The following PDE11A variants were observed in gnomAD, a reference collection of about 807,000 sequenced individuals.
The protein encoded by PDE11A is dual 3',5'-cyclic-AMP and -GMP phosphodiesterase 11A.
In PDE11A, 100 loss-of-function variants were observed where a neutral mutation model predicts 100.5. The ratio of observed to expected loss-of-function variants is 1.00; its 90% CI spans 0.85 to 1.18. The LOEUF (loss-of-function observed/expected upper bound fraction) is 1.18. PDE11A is among the 50% of genes most tolerant of loss of function. The pLI, the probability that PDE11A is intolerant of heterozygous loss-of-function variation, is 0.00. For missense variants in PDE11A, 1,141 were observed against 1,152.6 expected (o/e 0.99, Z 0.15); for synonymous variants, 381 against 420.8 (o/e 0.91, Z 1.16).
intron 15 of PDE11A, chr2:177,686,910 T>G (rs1038012687): frequency 1.3e-5 from 2 of 151,902 alleles, no homozygotes; most frequent in Non-Finnish European, 2.9e-5. Context: ...AGAGATGGTG[T>G]TTTGCTATGT....
intron 2 of PDE11A, chr2:177,998,405 C>G: frequency 2.3e-6 from 2 of 884,010 alleles, no homozygotes; most frequent in Non-Finnish European, 3.9e-6. Flanking sequence ...TAAATATACT[C>G]AACAGGGCAT....
intron 1 of PDE11A, among the ~76,000 whole-genome samples, chr2:178,050,578 C>T (rs955892746): frequency 5.3e-5 from 8 of 152,000 alleles, no homozygotes; most frequent in East Asian, 1.9e-4. Flanking sequence ...GGAGGGTGTT[C>T]GAACCCCTGC....
intron 12 of PDE11A, among the ~76,000 whole-genome samples, chr2:177,714,651 C>CT (rs1474057451): frequency 6.6e-6 from 1 of 152,234 alleles, no homozygotes; most frequent in African/African-American, 2.4e-5. Flanking sequence ...ATCCACAGAG[C>CT]TTTCCTATAT....
At chr2:177,791,571 C>T (rs1435791067) in intron 9 of PDE11A, among the ~76,000 whole-genome samples, 1 of 150,190 alleles carries the variant, frequency 6.7e-6, no homozygotes. Flanking sequence ...AAAGTCAGAG[C>T]AAATGAGTCC....
intron 10 of PDE11A, among the ~76,000 whole-genome samples, chr2:177,765,574 G>A (rs920862243): frequency 7.2e-5 from 11 of 152,182 alleles, no homozygotes; most frequent in South Asian, 2.1e-4. Context: ...CCACGGGTCC[G>A]TAGTGATGCT....
chr2:177,751,263 T>C (rs2082021921), intron 10 of PDE11A, among the ~76,000 whole-genome samples: 1 of 152,180 alleles, frequency 6.6e-6, no homozygotes, highest in Non-Finnish European at 1.5e-5. Flanking sequence ...ACTTACTTCC[T>C]ATCACACTTC....
chr2:177,684,478 T>C (rs373963430), intron 15 of PDE11A, among the ~76,000 whole-genome samples: 1 of 152,184 alleles, frequency 6.6e-6, no homozygotes, highest in Admixed American at 6.5e-5. Flanking sequence ...AGATCTGAAC[T>C]TGTACTTGAA....
intron 5 of PDE11A, among the ~76,000 whole-genome samples, chr2:177,845,016 C>T (rs2083557800): frequency 1.3e-5 from 2 of 151,634 alleles, no homozygotes; most frequent in African/African-American, 4.8e-5. Context: ...CACAAAGCCG[C>T]CATTGTCATC....
rs527758518 is a variant in PDE11A at position 177,734,126 on chromosome 2, C to T, written c.1789-5954G>A. On this transcript the variant is annotated intron_variant, in intron 10 of 19. Coordinates refer to ENST00000286063, the MANE Select transcript of PDE11A (RefSeq NM_016953.4). ...TATCCAGATGACTAGCTTTTCAATCCGTTTTTTATTATAAGCAACCTGGAC... is the reference window on the plus strand; with the variant it reads ...TATCCAGATGACTAGCTTTTCAATCTGTTTTTTATTATAAGCAACCTGGAC... Among the ~76,000 whole-genome samples the T allele has an allele frequency of 5.9e-5, 9 of 152,246 alleles. No homozygotes were observed. In the South Asian group the frequency reaches 1.0e-3, roughly 18 times the overall value.
chr2:177,708,041 T>A (rs2081305335), intron 13 of PDE11A, among the ~76,000 whole-genome samples: 2 of 151,854 alleles, frequency 1.3e-5, no homozygotes, highest in Non-Finnish European at 2.9e-5. Flanking sequence ...GAGAGAGGAA[T>A]CCTAAAAAAG....
chr2:177,986,697 G>A (rs1281991517), intron 2 of PDE11A, among the ~76,000 whole-genome samples: 1 of 152,056 alleles, frequency 6.6e-6, no homozygotes, highest in Admixed American at 6.6e-5. Context: ...TGGGCGTGGT[G>A]GCGGGCACCT....
intron 10 of PDE11A, among the ~76,000 whole-genome samples, chr2:177,738,986 G>T (rs537972323): frequency 2.0e-5 from 3 of 152,264 alleles, no homozygotes; most frequent in South Asian, 2.1e-4. Context: ...CCTTGTTTCT[G>T]CAGTTTAAAA....
chr2:177,793,507 C>T lies in PDE11A; in HGVS notation c.1737+23322G>A, dbSNP rs374038237. On this transcript the variant is annotated intron_variant, in intron 9 of 19. Transcript: ENST00000286063. ...GATGAGGATGGTGGATGCGAGACCT[C>T]GATCTGTGGAGACAATACACAGGGA... Among the ~76,000 whole-genome samples, 33 of 139,234 alleles carry T rather than the reference C, an allele frequency of 2.4e-4. No individual in the cohort carries two copies. In the East Asian group the frequency reaches 2.4e-3, roughly 10 times the overall value. 91.3% of individuals were successfully genotyped at this position (139,234 alleles called of 152,430 possible). A position where few individuals can be genotyped will look rare whatever the true frequency, so the allele number is the denominator to read the frequency against.
chr2:178,001,152 G>C (rs868761416), intron 2 of PDE11A, among the ~76,000 whole-genome samples: 2 of 152,108 alleles, frequency 1.3e-5, no homozygotes, highest in Admixed American at 1.3e-4. Flanking sequence ...ACCTATCACA[G>C]AGTACACTCT....
chr2:178,038,099 T>G (rs2086640003), intron 1 of PDE11A, among the ~76,000 whole-genome samples: 1 of 152,164 alleles, frequency 6.6e-6, no homozygotes. Context: ...TTCAAATTTC[T>G]TTTTATAAAA....
chr2:177,968,739 A>G (rs945946683), intron 2 of PDE11A, among the ~76,000 whole-genome samples: 1 of 152,252 alleles, frequency 6.6e-6, no homozygotes. Context: ...CACCATTTAG[A>G]ATGGCAATTA....
In PDE11A at chr2:177,977,311, G is replaced by A. The variant is rs531034211; in HGVS notation, c.1071+36991C>T. On this transcript the variant is annotated intron_variant, in intron 2 of 19. Coordinates refer to ENST00000286063, the MANE Select transcript of PDE11A (RefSeq NM_016953.4). ...TACACCAACAACAGACAAACAGAGA[G>A]CCAAATCATGGGTAAACTCCCATTC... is the stretch of plus-strand genomic sequence containing the variant. Among the ~76,000 whole-genome samples, 12 of 146,636 alleles carry A rather than the reference G, an allele frequency of 8.2e-5. 1 individual carries two copies. In the South Asian group the frequency reaches 2.8e-3, roughly 34 times the overall value.
At chr2:177,750,573 G>A (rs16865743) in intron 10 of PDE11A, among the ~76,000 whole-genome samples, 4,332 of 152,292 alleles carry the variant, frequency 0.028, 191 homozygotes, top group African/African-American at 0.099. Context: ...CCAAGTCCAA[G>A]GCAAGCATGT....
At chr2:177,947,697 T>A (rs1178041554) in intron 2 of PDE11A, among the ~76,000 whole-genome samples, 1 of 151,198 alleles carries the variant, frequency 6.6e-6, no homozygotes, top group Non-Finnish European at 1.5e-5. Flanking sequence ...CTGCTGACCT[T>A]CCCTCCACTA....
Sources: gnomAD v4.1 joint callset for allele counts (sites outside exome capture counted in the v4.1 genomes callset) on GRCh38, gnomAD v4.1.1 for gene constraint, MANE v1.5 for transcripts, NCBI Gene and HGNC (gene_info 2026-07-23, HGNC 2026-07-21) for gene names.